MAPDA: variants seen among roughly 807,000 people sequenced by gnomAD.
MAPDA encodes the protein N6-Methyl-AMP deaminase.
the MAPDA span, chr15:43,353,704 G>A: frequency 6.6e-6 from 1 of 152,186 alleles, no homozygotes; most frequent in Admixed American, 6.5e-5. Flanking sequence ...TCATAATGAA[G>A]CCTCCATAAA....
the MAPDA span, chr15:43,336,607 C>A: frequency 1.3e-6 from 2 of 1,556,966 alleles, no homozygotes; most frequent in African/African-American, 2.8e-5. Context: ...TATGTTAAAA[C>A]TTTTCATTCA....
the MAPDA span, chr15:43,351,333 CA>C: frequency 0.052 from 11,952 of 228,640 alleles, 1 homozygote; most frequent in South Asian, 0.087. Context: ...TCTCACAAAG[CA>C]AAAAAAAAAA....
the MAPDA span, chr15:43,345,724 TTCAG>T: frequency 2.7e-6 from 3 of 1,099,154 alleles, no homozygotes; most frequent in South Asian, 4.3e-5. Flanking sequence ...GTTGTCTAGA[TTCAG>T]TCAGGCTATA....
chr15:43,353,867 T>C, the MAPDA span: 1 of 152,300 alleles, frequency 6.6e-6, no homozygotes, highest in South Asian at 2.1e-4. Context: ...CTATCCTTTG[T>C]ACTGTCCTTT....
chr15:43,342,656 G>T, the MAPDA span, among the ~76,000 whole-genome samples: 5 of 151,550 alleles, frequency 3.3e-5, no homozygotes, highest in Non-Finnish European at 5.9e-5. Flanking sequence ...AGGCTGAGGT[G>T]GCAGGATGGC....
the MAPDA span, chr15:43,336,652 A>G: frequency 8.3e-6 from 13 of 1,571,270 alleles, no homozygotes; most frequent in South Asian, 8.6e-5. Flanking sequence ...CAAACTATTC[A>G]TCAGCTTACT....
chr15:43,351,069 C>T, the MAPDA span: 9 of 1,531,902 alleles, frequency 5.9e-6, no homozygotes, highest in Non-Finnish European at 8.0e-6. Flanking sequence ...AAGTATTTTG[C>T]TCCTTTTTGC....
At chr15:43,330,642 C>G in the MAPDA span, 3 of 867,868 alleles carry the variant, frequency 3.5e-6, no homozygotes, top group African/African-American at 5.3e-5. Flanking sequence ...CCGGGAAGAG[C>G]GCATCTCGCC....
At chr15:43,348,804 C>A in the MAPDA span, 1 of 1,227,240 alleles carries the variant, frequency 8.1e-7, no homozygotes, top group Non-Finnish European at 1.1e-6. Flanking sequence ...AAAAGGTCTG[C>A]ATTAAGTACT....
chr15:43,347,794 A>T, the MAPDA span, among the ~76,000 whole-genome samples: 1 of 152,220 alleles, frequency 6.6e-6, no homozygotes, highest in Non-Finnish European at 1.5e-5. Flanking sequence ...GTTGAGTAAC[A>T]TCATGATTTA....
At chr15:43,342,628 T>C in the MAPDA span, among the ~76,000 whole-genome samples, 1 of 151,688 alleles carries the variant, frequency 6.6e-6, no homozygotes, top group Non-Finnish European at 1.5e-5. Context: ...TACCTTCCTG[T>C]AGTCTCAGCT....
the MAPDA span, chr15:43,343,149 G>T: frequency 1.5e-5 from 16 of 1,054,556 alleles, no homozygotes; most frequent in Non-Finnish European, 2.2e-5. Context: ...GATCATGGGT[G>T]TAATGGATTT....
chr15:43,349,464 T>C, the MAPDA span: 1 of 558,030 alleles, frequency 1.8e-6, no homozygotes, highest in Non-Finnish European at 2.3e-6. Context: ...TCTATGTGTT[T>C]ATGAAGTGCC....
the MAPDA span, chr15:43,330,383 G>A: frequency 2.5e-6 from 4 of 1,604,738 alleles, no homozygotes; most frequent in East Asian, 2.2e-5. Flanking sequence ...CGCGGCAAAG[G>A]GGTCCTGCAC....
the MAPDA span, chr15:43,335,905 C>G: frequency 6.6e-7 from 1 of 1,523,420 alleles, no homozygotes; most frequent in Non-Finnish European, 8.8e-7. Context: ...TGTAAGAATT[C>G]AGATTTTGGT....
At chr15:43,348,194 G>T in the MAPDA span, among the ~76,000 whole-genome samples, 1 of 152,200 alleles carries the variant, frequency 6.6e-6, no homozygotes, top group Admixed American at 6.5e-5. Context: ...CATTTTCATG[G>T]TGATTGTGGT....
chr15:43,345,285 C>T, the MAPDA span, among the ~76,000 whole-genome samples: 3 of 146,726 alleles, frequency 2.0e-5, no homozygotes, highest in Admixed American at 2.1e-4. Context: ...ACCCGGGAGG[C>T]AGAGATTGTA....
the MAPDA span, among the ~76,000 whole-genome samples, chr15:43,346,572 C>G: frequency 6.6e-6 from 1 of 152,244 alleles, no homozygotes; most frequent in African/African-American, 2.4e-5. Flanking sequence ...TTGAAAACAG[C>G]TGAATAAGAG....
At chr15:43,335,625 A>G in the MAPDA span, 3 of 1,494,148 alleles carry the variant, frequency 2.0e-6, no homozygotes, top group South Asian at 1.3e-5. Context: ...CAAACTACCA[A>G]CATTAAGTAC....
Sources: allele counts gnomAD v4.1 joint callset (sites outside exome capture counted in the v4.1 genomes callset), GRCh38; gene constraint gnomAD v4.1.1; transcripts MANE v1.5; gene names NCBI Gene and HGNC (gene_info 2026-07-23, HGNC 2026-07-21).